TTLL1: variants seen among roughly 807,000 people sequenced by gnomAD.
TTLL1 encodes the protein polyglutamylase complex subunit TTLL1.
Under a neutral mutation model 47.8 loss-of-function variants are expected in TTLL1, and 33 were observed. The ratio of observed to expected loss-of-function variants is 0.69; its 90% CI spans 0.52 to 0.92. The LOEUF (loss-of-function observed/expected upper bound fraction) is 0.92. Ranked by LOEUF, TTLL1 falls within the 40% of genes least tolerant of loss-of-function variation. The pLI, the probability that TTLL1 is intolerant of heterozygous loss-of-function variation, is 0.00. For missense variants in TTLL1, 488 were observed against 547.5 expected (o/e 0.89, Z 1.08); for synonymous variants, 225 against 214.1 (o/e 1.05, Z -0.45).
chr22:43,075,844 AC>A (rs530356846), intron 2 of TTLL1, among the ~76,000 whole-genome samples: 36 of 152,174 alleles, frequency 2.4e-4, no homozygotes, highest in Non-Finnish European at 4.1e-4. Flanking sequence ...TGCACAGATG[AC>A]CCCTCACAAC....
intron 10 of TTLL1, 157 bp from the exon 11 acceptor site, chr22:43,040,062 C>T (rs1925543691): frequency 3.1e-6 from 3 of 960,030 alleles, no homozygotes; most frequent in Non-Finnish European, 4.5e-6. Context: ...CACCTCCCAC[C>T]TGGCTCCAGC....
chr22:43,066,956 C>A (rs1191656285), intron 5 of TTLL1, among the ~76,000 whole-genome samples: 1 of 151,740 alleles, frequency 6.6e-6, no homozygotes, highest in African/African-American at 2.4e-5. Context: ...CCACTGTACT[C>A]CAGCCTGGGC....
intron 1 of TTLL1, among the ~76,000 whole-genome samples, chr22:43,087,388 G>C (rs1170202011): frequency 6.6e-6 from 1 of 151,820 alleles, no homozygotes; most frequent in Non-Finnish European, 1.5e-5. Flanking sequence ...GCTGCGCGTG[G>C]TGGTGCACAT....
chr22:43,074,928 C>G (rs1405568380), intron 3 of TTLL1, among the ~76,000 whole-genome samples: 1 of 152,088 alleles, frequency 6.6e-6, no homozygotes, highest in Non-Finnish European at 1.5e-5. Context: ...GTAATCCCAG[C>G]ACTTTGGGAG....
intron 3 of TTLL1, among the ~76,000 whole-genome samples, chr22:43,070,751 C>A (rs911272800): frequency 6.6e-6 from 1 of 152,096 alleles, no homozygotes; most frequent in Non-Finnish European, 1.5e-5. Context: ...GAACCTCCAC[C>A]CCCCTCAGCA....
chr22:43,040,847 C>A (rs1925617993), intron 10 of TTLL1, among the ~76,000 whole-genome samples: 1 of 152,214 alleles, frequency 6.6e-6, no homozygotes, highest in Non-Finnish European at 1.5e-5. Flanking sequence ...ATTTTCGTGT[C>A]TGGAAGAGCT....
At chr22:43,075,137 C>T (rs565045059) in intron 3 of TTLL1, among the ~76,000 whole-genome samples, 350 of 152,274 alleles carry the variant, frequency 2.3e-3, no homozygotes, top group South Asian at 6.8e-3. Context: ...TGCACTCCAG[C>T]CTGGGTGACA....
Position 43,039,569 on chromosome 22 carries a change from TAA to T in TTLL1, c.*205_*206del. 1 of 416,496 alleles carries T rather than the reference TAA, an allele frequency of 2.4e-6. No homozygotes were observed. 25.8% of individuals were successfully genotyped at this position (416,496 alleles called of 1,614,324 possible). A position where few individuals can be genotyped will look rare whatever the true frequency, so the allele number is the denominator to read the frequency against. On this transcript the variant is annotated 3_prime_UTR_variant, in exon 11 of 11. Transcript: ENST00000266254. ...TGAAAATTCTGCTTAGGTTAAAAAT[TAA>T]AAAAAAAAGAGCGAGTTTTATACAT...
At chr22:43,085,399 T>C (rs1035381437) in intron 1 of TTLL1, among the ~76,000 whole-genome samples, 1 of 152,228 alleles carries the variant, frequency 6.6e-6, no homozygotes, top group Non-Finnish European at 1.5e-5. Context: ...ATGATTTGTC[T>C]GTATCCCAAT....
intron 2 of TTLL1, among the ~76,000 whole-genome samples, chr22:43,078,305 G>A (rs1258916885): frequency 1.3e-5 from 2 of 151,398 alleles, no homozygotes. Context: ...AGACCACCCT[G>A]GCCAACATGG....
Position 43,051,788 on chromosome 22 carries a change from C to T in TTLL1, c.978+13G>A. 1 of 1,613,710 alleles carries T rather than the reference C, an allele frequency of 6.2e-7. No homozygotes were observed. The highest frequency in any genetic ancestry group is 1.3e-5 in the African/African-American group (1 of 75,000). On this transcript the variant is annotated intron_variant, in intron 9 of 10. Transcript: ENST00000266254. Reference sequence around the variant, plus strand: ...TGTGTGGTGTGACCAGGTGCAGGTGCTCCCGCAGTTACCTCGATCAGCCAG... The same window carrying T: ...TGTGTGGTGTGACCAGGTGCAGGTGTTCCCGCAGTTACCTCGATCAGCCAG...
chr22:43,058,720 G>A (rs1000030097), intron 8 of TTLL1, among the ~76,000 whole-genome samples: 3 of 146,846 alleles, frequency 2.0e-5, no homozygotes, highest in Admixed American at 6.9e-5. Flanking sequence ...TTGAGACAGA[G>A]TTTCGCTCCT....
intron 1 of TTLL1, among the ~76,000 whole-genome samples, chr22:43,085,791 C>G (rs911474056): frequency 2.0e-5 from 3 of 152,114 alleles, no homozygotes; most frequent in Non-Finnish European, 4.4e-5. Context: ...AGCCTGTGGA[C>G]AGCCTACACG....
At chr22:43,081,801 C>A (rs1928909741) in intron 1 of TTLL1, among the ~76,000 whole-genome samples, 1 of 149,252 alleles carries the variant, frequency 6.7e-6, no homozygotes, top group Non-Finnish European at 1.5e-5. Flanking sequence ...CCCGCTTCGG[C>A]CTCCCAAAGT....
At chr22:43,047,175 T>C (rs1926209690) in intron 9 of TTLL1, among the ~76,000 whole-genome samples, 1 of 152,190 alleles carries the variant, frequency 6.6e-6, no homozygotes, top group African/African-American at 2.4e-5. Context: ...CCTGTGTGAC[T>C]GGTTCTGTCC....
intron 5 of TTLL1, among the ~76,000 whole-genome samples, chr22:43,068,030 G>A (rs1927856161): frequency 7.0e-6 from 1 of 143,710 alleles, no homozygotes; most frequent in Non-Finnish European, 1.5e-5. Context: ...TGGCCAGGCT[G>A]GTCTTGATCT....
intron 1 of TTLL1, among the ~76,000 whole-genome samples, chr22:43,088,849 G>T (rs913360739): frequency 1.3e-5 from 2 of 152,188 alleles, no homozygotes; most frequent in Non-Finnish European, 2.9e-5. Context: ...TAGGGAATCA[G>T]AGAGGGGAAA....
chr22:43,068,452 A>C lies in TTLL1; in HGVS notation c.461T>G (p.Leu154Arg). The change falls in exon 5 of 11, where the codon CTC becomes CGC. Residue 154 changes from leucine to arginine, a missense_variant. Transcript: ENST00000266254. ...CCGGGACCACTTTTTGATCTGTGAG[A>C]GCTTGTTGATAAGGAAGATGCCCTT... The part of the protein sequence containing the change: ...QGKGIFLINK[L>R]SQIKKWSRDS... The C allele has an allele frequency of 6.4e-7, 1 of 1,558,696 alleles. No individual in the cohort carries two copies.
intron 7 of TTLL1, 55 bp downstream of exon 7, chr22:43,063,758 A>C: frequency 6.4e-7 from 1 of 1,560,902 alleles, no homozygotes; most frequent in Non-Finnish European, 8.8e-7. Flanking sequence ...GAGCCACCAC[A>C]CCCGGCCTGA....
Sources: allele counts gnomAD v4.1 joint callset (sites outside exome capture counted in the v4.1 genomes callset), GRCh38; gene constraint gnomAD v4.1.1; transcripts MANE v1.5; gene names NCBI Gene and HGNC (gene_info 2026-07-23, HGNC 2026-07-21).